Variants in CPT1A observed in about 807,000 individuals in gnomAD.
The protein encoded by CPT1A is carnitine O-palmitoyltransferase 1, liver isoform.
A neutral mutation model predicts 100.8 loss-of-function variants in CPT1A; 64 were observed. The observed-to-expected ratio is 0.63, with a 90% CI of 0.52 to 0.78. CPT1A has a LOEUF of 0.78. Among genes scored for constraint, CPT1A ranks in the 30% least tolerant of loss-of-function variants. CPT1A has a pLI of 0.00. For synonymous variants in CPT1A, 363 were observed against 396.0 expected (o/e 0.92, Z 0.99); for missense variants, 802 against 1,034.1 (o/e 0.78, Z 3.08).
At position 68,754,892 on chromosome 11, in the gene CPT1A, A is replaced by T; in HGVS notation, c.*2752T>A. On this transcript the variant is annotated 3_prime_UTR_variant, in exon 19 of 19. Coordinates refer to ENST00000265641, the MANE Select transcript of CPT1A (RefSeq NM_001876.4). ...GAGACAGAAACAAATCTTGTAGTAG[A>T]CTGGGGTTAATGTTTTATTAATGAT... The T allele has an allele frequency of 1.3e-6, 1 of 778,746 alleles. No homozygotes were observed. The highest frequency in any genetic ancestry group is 2.4e-6 in the Non-Finnish European group (1 of 416,520). The allele number at this position is 778,746 out of a possible 1,614,324, so 48.2% of individuals were successfully genotyped here. A position where few individuals can be genotyped will look rare whatever the true frequency, so the allele number is the denominator to read the frequency against.
At chr11:68,786,479 G>A (rs1435732070) in intron 9 of CPT1A, among the ~76,000 whole-genome samples, 1 of 152,254 alleles carries the variant, frequency 6.6e-6, no homozygotes, top group African/African-American at 2.4e-5. Flanking sequence ...AGGAAGTGAT[G>A]TTTAAGAAGA....
chr11:68,779,454 C>G (rs893705982), intron 12 of CPT1A, among the ~76,000 whole-genome samples: 3 of 136,340 alleles, frequency 2.2e-5, no homozygotes, highest in African/African-American at 5.6e-5. Flanking sequence ...TCATGCCAAA[C>G]ACGGAACAGG....
At chr11:68,838,577 A>AAAAAAAAAAAAAAAAC (rs1566394852) in intron 1 of CPT1A, among the ~76,000 whole-genome samples, 14 of 143,942 alleles carry the variant, frequency 9.7e-5, no homozygotes, top group Non-Finnish European at 1.7e-4. Context: ...CTTTTTAAAA[A>AAAAAAAAAAAAAAAAC]AAAAAAAAAA....
intron 14 of CPT1A, among the ~76,000 whole-genome samples, chr11:68,771,433 G>A (rs979571661): frequency 2.2e-4 from 34 of 152,116 alleles, no homozygotes; most frequent in African/African-American, 6.5e-4. Context: ...GCACGTTTAC[G>A]GGCAAAATCT....
chr11:68,780,112 G>T (rs1313711628), intron 12 of CPT1A, among the ~76,000 whole-genome samples: 1 of 152,176 alleles, frequency 6.6e-6, no homozygotes, highest in African/African-American at 2.4e-5. Context: ...CTAAGGAGAT[G>T]GCAGGAGATG....
chr11:68,755,229 CCT>C lies in CPT1A; in HGVS notation c.*2413_*2414del, dbSNP rs1946668165. On this transcript the variant is annotated 3_prime_UTR_variant, in exon 19 of 19. Coordinates refer to ENST00000265641, the MANE Select transcript of CPT1A (RefSeq NM_001876.4). ...GCACTCACGTCTACACTCAAAATGC[CCT>C]GTGAACTCTAGTGTAACACAGATTG... 2.6e-5 allele frequency: 6 copies of C among 227,894 alleles called. No individual in the cohort carries two copies. In the South Asian group the frequency reaches 3.9e-4, roughly 15 times the overall value. The allele number at this position is 227,894 out of a possible 1,614,324, so 14.1% of individuals were successfully genotyped here.
chr11:68,757,401 G>A lies in CPT1A; in HGVS notation c.*243C>T. 2 of 1,391,356 alleles carry A rather than the reference G, an allele frequency of 1.4e-6. No individual in the cohort carries two copies. The highest frequency in any genetic ancestry group is 1.9e-6 in the Non-Finnish European group (2 of 1,074,468). 86.2% of individuals were successfully genotyped at this position (1,391,356 alleles called of 1,614,324 possible). On this transcript the variant is annotated 3_prime_UTR_variant, in exon 19 of 19. Coordinates refer to ENST00000265641, the MANE Select transcript of CPT1A (RefSeq NM_001876.4). The stretch of plus-strand genomic sequence containing the variant: ...CCCTTAATAAATCCAAGCCGATGCG[G>A]AGACATCAGGGGAGACTTTATCAGA...
At chr11:68,779,152 GC>G (rs1179483074) in intron 12 of CPT1A, among the ~76,000 whole-genome samples, 1 of 152,136 alleles carries the variant, frequency 6.6e-6, no homozygotes, top group African/African-American at 2.4e-5. Context: ...GAGGTGCTCA[GC>G]CTGCAGCTGG....
intron 1 of CPT1A, among the ~76,000 whole-genome samples, chr11:68,834,063 C>A (rs531055800): frequency 6.6e-6 from 1 of 152,306 alleles, no homozygotes; most frequent in Non-Finnish European, 1.5e-5. Flanking sequence ...ATTGGCCACA[C>A]AGTGGATTTC....
chr11:68,823,555 G>A (rs571494019), intron 1 of CPT1A, among the ~76,000 whole-genome samples: 8 of 152,064 alleles, frequency 5.3e-5, no homozygotes, highest in African/African-American at 1.7e-4. Context: ...TTGGGAGGCC[G>A]AGGCGGGAGG....
At chr11:68,803,150 T>C (rs1432375876) in intron 5 of CPT1A, among the ~76,000 whole-genome samples, 3 of 152,176 alleles carry the variant, frequency 2.0e-5, no homozygotes, top group Non-Finnish European at 4.4e-5. Context: ...AAATATGGTC[T>C]AGCCATGCAA....
chr11:68,841,716 CCCCCGCA>C lies in CPT1A; in HGVS notation c.-14+52_-14+58del. The C allele has an allele frequency of 7.9e-6, 7 of 885,702 alleles. No homozygotes were observed. Among genetic ancestry groups the C allele is most frequent in the Non-Finnish European group, 9.5e-6 (7 of 738,524 alleles). The allele number at this position is 885,702 out of a possible 1,614,324, so 54.9% of individuals were successfully genotyped here. ...AGCCCCGCGCCCCGCCCGTCCCCGG[CCCCCGCA>C]GCCCGCAGGGCCGCCCCGCCACCCT... On this transcript the variant is annotated intron_variant, in intron 1 of 18. Coordinates refer to ENST00000265641, the MANE Select transcript of CPT1A (RefSeq NM_001876.4). This position sits in a 1 kb window ranked among gnomAD's most constrained non-coding sequence, Gnocchi z 6.3.
In CPT1A at chr11:68,808,621, G is replaced by A. The variant is rs541072406; in HGVS notation, c.282-983C>T. Among the ~76,000 whole-genome samples, 23 of 151,744 alleles carry A rather than the reference G, an allele frequency of 1.5e-4. No homozygotes were observed. In the South Asian group the frequency reaches 3.6e-3, roughly 23 times the overall value. ...TCCTGTCAGGTGATCCACCCGCCTC[G>A]GCCTCCCAAAGTGCTGGGATTATAG... is the stretch of plus-strand genomic sequence containing the variant. On this transcript the variant is annotated intron_variant, in intron 3 of 18. Transcript: ENST00000265641.
chr11:68,811,051 G>T (rs1476742861), intron 3 of CPT1A, among the ~76,000 whole-genome samples: 1 of 152,108 alleles, frequency 6.6e-6, no homozygotes, highest in Non-Finnish European at 1.5e-5. Flanking sequence ...TTTTCTGCCG[G>T]TTTATTTTCT....
Position 68,793,316 on chromosome 11 carries a change from T to C in CPT1A, c.966A>G (p.Thr322=). ...GGGCCCTGAAGAAGCTTGACTCACC[T>C]GTCTCCTCTCCTGGGATCCGGGAAG... ...FNTSRIPGEE[T]DTIQHMRDSK... is the part of the protein sequence containing the mutation. The change falls in exon 9 of 19, where the codon ACA becomes ACG. Residue 322 remains threonine, a splice_region_variant and synonymous_variant. Transcript: ENST00000265641. The C allele has an allele frequency of 1.9e-6, 3 of 1,608,912 alleles. No individual in the cohort carries two copies. The highest frequency in any genetic ancestry group is 2.5e-6 in the Non-Finnish European group (3 of 1,177,454).
At chr11:68,785,778 G>A (rs1422124840) in intron 9 of CPT1A, 2 of 537,680 alleles carry the variant, frequency 3.7e-6, no homozygotes, top group Non-Finnish European at 6.6e-6. Context: ...AATGACAATA[G>A]GGCAACTTAG....
intron 1 of CPT1A, among the ~76,000 whole-genome samples, chr11:68,828,790 G>A (rs1464255904): frequency 6.6e-6 from 1 of 152,144 alleles, no homozygotes; most frequent in African/African-American, 2.4e-5. Flanking sequence ...TCCCACTCAC[G>A]GTGTACAACT....
intron 6 of CPT1A, among the ~76,000 whole-genome samples, chr11:68,798,792 C>T (rs1363418965): frequency 2.0e-5 from 3 of 152,136 alleles, no homozygotes; most frequent in Non-Finnish European, 4.4e-5. Flanking sequence ...GAGGACTCTC[C>T]GGGGAAGAGG....
rs149896611 is a variant in CPT1A at position 68,781,921 on chromosome 11, C to A, written c.1202G>T (p.Arg401Leu). 10 of 1,614,068 alleles carry A rather than the reference C, an allele frequency of 6.2e-6. No homozygotes were observed. The highest frequency in any genetic ancestry group is 7.6e-6 in the Non-Finnish European group (9 of 1,180,032). The change falls in exon 11 of 19, where the codon CGT becomes CTT. Residue 401 changes from arginine (R) to leucine (L), a missense_variant. Transcript: ENST00000265641. ...WARCRQAYFG[R>L]GKNKQSLDAV... is the part of the protein sequence containing the mutation. ...ATCAAGAGACTGCTTATTTTTCCCA[C>A]GTCCAAAATAGGCCTGACGACACCT...
Sources: allele counts gnomAD v4.1 joint callset (sites outside exome capture counted in the v4.1 genomes callset), GRCh38; gene constraint gnomAD v4.1.1; non-coding constraint Gnocchi (gnomAD v3.1); transcripts MANE v1.5; gene names NCBI Gene and HGNC (gene_info 2026-07-23, HGNC 2026-07-21).